Variants in PXDN observed in about 807,000 individuals in gnomAD.
PXDN encodes peroxidasin.
PXDN carries 77 observed loss-of-function variants against 140.3 expected under a neutral mutation model. The ratio of observed to expected loss-of-function variants is 0.55; its 90% confidence interval spans 0.46 to 0.66. The LOEUF is 0.66. PXDN is among the 30% of genes least tolerant of loss of function. The pLI is 0.00. For missense variants in PXDN, 1,838 were observed against 2,039.5 expected (o/e 0.90, Z 1.90); for synonymous variants, 911 against 857.4 (o/e 1.06, Z -1.09).
intron 1 of PXDN, among the ~76,000 whole-genome samples, chr2:1,708,195 G>A (rs779822184): frequency 1.3e-5 from 2 of 152,240 alleles, no homozygotes; most frequent in Non-Finnish European, 2.9e-5. Context: ...GTGCCCTGGC[G>A]CAGGCCCAGG....
chr2:1,743,553 G>C (rs1340104817), intron 1 of PXDN, among the ~76,000 whole-genome samples: 4 of 150,322 alleles, frequency 2.7e-5, no homozygotes, highest in African/African-American at 9.8e-5. Context: ...GGCTCCTCTG[G>C]GGAGGCTTCC....
At position 1,693,953 on chromosome 2, in the gene PXDN, A is replaced by G. The variant is rs573007811; in HGVS notation, c.201-819T>C. 2.2e-3 allele frequency among the ~76,000 whole-genome samples: 328 copies of G among 152,374 alleles called. 7 individuals carry two copies. The highest frequency in any genetic ancestry group is 6.2e-4 in the Non-Finnish European group (42 of 68,036). ...GCAGCCAGGTCAGAGGCCTGAAGGCAGCGATGGGAAGTGCAGACATGCAGA... is the reference window on the plus strand; with the variant it reads ...GCAGCCAGGTCAGAGGCCTGAAGGCGGCGATGGGAAGTGCAGACATGCAGA... On this transcript the variant is annotated intron_variant, in intron 1 of 22. Coordinates refer to ENST00000252804, the MANE Select transcript of PXDN (RefSeq NM_012293.3).
At chr2:1,742,825 G>A (rs1411413036) in intron 1 of PXDN, among the ~76,000 whole-genome samples, 1 of 152,186 alleles carries the variant, frequency 6.6e-6, no homozygotes, top group Admixed American at 6.5e-5. Context: ...CCCCCGCCCC[G>A]CCCCAGGGCC....
rs1382057176 is a variant in PXDN, at chr2:1,637,663, T to A, written c.4206+1183A>T. Among the ~76,000 whole-genome samples the A allele has an allele frequency of 3.8e-3, 411 of 109,352 alleles. No homozygotes were observed. The Middle Eastern group carries it at 0.038, about 10-fold the overall frequency. 71.7% of individuals were successfully genotyped at this position (109,352 alleles called of 152,430 possible). A position where few individuals can be genotyped will look rare whatever the true frequency, so the allele number is the denominator to read the frequency against. On this transcript the variant is annotated intron_variant, in intron 21 of 22. Transcript: ENST00000252804. ...TGCCTGGGGACTTGCACCTGGTCTC[T>A]AGGTTGTGGAGGCAGGAGGACCTGC...
intron 14 of PXDN, among the ~76,000 whole-genome samples, chr2:1,658,649 G>C (rs1211998556): frequency 6.6e-6 from 1 of 152,040 alleles, no homozygotes; most frequent in Non-Finnish European, 1.5e-5. Flanking sequence ...GTGCTCCTCT[G>C]CTGGGAACTT....
chr2:1,729,154 A>C (rs1572199730), intron 1 of PXDN, among the ~76,000 whole-genome samples: 1 of 152,348 alleles, frequency 6.6e-6, no homozygotes, highest in East Asian at 1.9e-4. Flanking sequence ...CTGGCAAATA[A>C]ACATACATGA....
rs111605109 is a variant in PXDN, at chr2:1,720,030, A to G, written c.200+24226T>C. Among the ~76,000 whole-genome samples the G allele has an allele frequency of 4.7e-4, 11 of 23,366 alleles. 1 individual carries two copies. Among genetic ancestry groups the G allele is most frequent in the Admixed American group, 6.6e-4 (1 of 1,526 alleles). The allele number at this position is 23,366 out of a possible 152,430, so 15.3% of individuals were successfully genotyped here. A position where few individuals can be genotyped will look rare whatever the true frequency, so the allele number is the denominator to read the frequency against. ...GAGGGATGTAGAGAGAGAGAGAGAG[A>G]GAGGGAGGGATGCAGAGAGAGAGAG... On this transcript the variant is annotated intron_variant, in intron 1 of 22. Transcript: ENST00000252804.
At chr2:1,697,186 T>C (rs988502909) in intron 1 of PXDN, among the ~76,000 whole-genome samples, 1 of 152,206 alleles carries the variant, frequency 6.6e-6, no homozygotes, top group African/African-American at 2.4e-5. Flanking sequence ...TTGGAAGTCA[T>C]TGTTCTTCGG....
chr2:1,716,563 C>T (rs59554993), intron 1 of PXDN, among the ~76,000 whole-genome samples: 48,955 of 151,242 alleles, frequency 0.32, 8,924 homozygotes, highest in East Asian at 0.9. Flanking sequence ...GGAGGACTAG[C>T]GTGGGAGGTG....
chr2:1,687,221 G>A lies in PXDN; in HGVS notation c.416+411C>T, dbSNP rs1684081371. On this transcript the variant is annotated intron_variant, in intron 4 of 22. Transcript: ENST00000252804. This position sits in a 1 kb window ranked among gnomAD's most constrained non-coding sequence, Gnocchi z 4.0. ...GTGTTCACAGTCATAAGGAGGAACA[G>A]TGAACGAGGCAAAGAGCCCTCTCCT... Among the ~76,000 whole-genome samples, 1 of 152,276 alleles carries A rather than the reference G, an allele frequency of 6.6e-6. No individual in the cohort carries two copies. Among genetic ancestry groups the A allele is most frequent in the South Asian group, 2.1e-4 (1 of 4,838 alleles).
intron 16 of PXDN, among the ~76,000 whole-genome samples, chr2:1,650,392 G>C (rs1428709233): frequency 1.3e-5 from 2 of 152,152 alleles, no homozygotes; most frequent in Non-Finnish European, 2.9e-5. Context: ...CTCCGACTAG[G>C]TCACCTTCTT....
chr2:1,681,274 C>T (rs62116596), intron 6 of PXDN, among the ~76,000 whole-genome samples: 1 of 152,104 alleles, frequency 6.6e-6, no homozygotes, highest in African/African-American at 2.4e-5. Context: ...TGGCAGGAAA[C>T]ACACTATCTT....
In PXDN at chr2:1,649,943, C is replaced by T. The variant is rs1682976555; in HGVS notation, c.2105-268G>A. On this transcript the variant is annotated intron_variant, in intron 16 of 22. Transcript: ENST00000252804. This position sits in a 1 kb window ranked among gnomAD's most constrained non-coding sequence, Gnocchi z 7.1. Reference sequence around the variant, plus strand: ...CTGTCTCCCCTCCCCACTTAGCAGTCTCATGGTTTCAACCAGCAGCTCTCC... The same window carrying T: ...CTGTCTCCCCTCCCCACTTAGCAGTTTCATGGTTTCAACCAGCAGCTCTCC... 6.6e-6 allele frequency among the ~76,000 whole-genome samples: 1 copy of T among 152,138 alleles called. No individual in the cohort carries two copies. The highest frequency in any genetic ancestry group is 2.4e-5 in the African/African-American group (1 of 41,436).
At chr2:1,673,845 T>C (rs1683635027) in intron 8 of PXDN, 33 bp from the exon 9 acceptor site, 2 of 1,610,684 alleles carry the variant, frequency 1.2e-6, no homozygotes, top group African/African-American at 1.3e-5. Context: ...TGGTCAAGTG[T>C]TGAAAGCACA....
At chr2:1,681,966 G>A (rs180726446) in intron 6 of PXDN, among the ~76,000 whole-genome samples, 48 of 152,340 alleles carry the variant, frequency 3.2e-4, no homozygotes, top group Middle Eastern at 3.4e-3. Context: ...CTCCGCCTGG[G>A]GCCCCTCAGG....
At chr2:1,690,496 C>T (rs1684160947) in intron 3 of PXDN, among the ~76,000 whole-genome samples, 1 of 151,860 alleles carries the variant, frequency 6.6e-6, no homozygotes, top group Non-Finnish European at 1.5e-5. Context: ...AATTCAAAAC[C>T]AGTGACAAAA....
Position 1,664,173 on chromosome 2 carries a change from T to C in PXDN, c.1409-410A>G, listed in dbSNP as rs112785213. ...TCTCCTGTTCTTGCCCATAACTGCC[T>C]GAGAAAAGGGAAATCCAGGGCGTGT... On this transcript the variant is annotated intron_variant, in intron 11 of 22. Transcript: ENST00000252804. 5.1e-3 allele frequency: 860 copies of C among 167,942 alleles called. 5 individuals are homozygous for C. The highest frequency in any genetic ancestry group is 0.019 in the African/African-American group (790 of 42,048). 10.4% of individuals were successfully genotyped at this position (167,942 alleles called of 1,614,324 possible).
intron 1 of PXDN, among the ~76,000 whole-genome samples, chr2:1,696,633 T>C (rs934329991): frequency 6.6e-6 from 1 of 152,212 alleles, no homozygotes; most frequent in African/African-American, 2.4e-5. Flanking sequence ...CCAATAGTTA[T>C]ACCACACATA....
At chr2:1,709,920 CACT>C (rs1270696663) in intron 1 of PXDN, among the ~76,000 whole-genome samples, 2 of 152,280 alleles carry the variant, frequency 1.3e-5, no homozygotes, top group African/African-American at 2.4e-5. Flanking sequence ...CAGCCTCCAC[CACT>C]GTGAGAAAAT....
Sources: allele counts gnomAD v4.1 joint callset (sites outside exome capture counted in the v4.1 genomes callset), GRCh38; gene constraint gnomAD v4.1.1; non-coding constraint Gnocchi (gnomAD v3.1); transcripts MANE v1.5; gene names NCBI Gene and HGNC (gene_info 2026-07-23, HGNC 2026-07-21).